The following PAK1 variants were observed in gnomAD, a reference collection of about 807,000 sequenced individuals.
PAK1 encodes p21 (RAC1) activated kinase 1.
A neutral mutation model predicts 67.4 loss-of-function variants in PAK1; 29 were observed. The observed-to-expected ratio is 0.43, with a 90% CI of 0.32 to 0.59. PAK1 has a LOEUF of 0.59. Ranked by LOEUF, PAK1 falls within the 20% of genes least tolerant of loss-of-function variation. The pLI is 0.07. For missense variants in PAK1, 337 were observed against 670.7 expected (o/e 0.50, Z 5.50); for synonymous variants, 223 against 237.4 (o/e 0.94, Z 0.56).
At chr11:77,357,450 C>T (rs1946188337) in intron 6 of PAK1, among the ~76,000 whole-genome samples, 1 of 152,170 alleles carries the variant, frequency 6.6e-6, no homozygotes, top group Admixed American at 6.6e-5. Context: ...TCCCAGGCAC[C>T]TAAACCTGTA....
intron 6 of PAK1, among the ~76,000 whole-genome samples, chr11:77,357,437 A>T (rs1213691199): frequency 6.6e-6 from 1 of 152,186 alleles, no homozygotes; most frequent in East Asian, 1.9e-4. Flanking sequence ...TAGACAAACT[A>T]TATCCCAGGC....
At chr11:77,355,585 T>A in intron 7 of PAK1, 83 bp downstream of exon 7, 1 of 1,170,302 alleles carries the variant, frequency 8.5e-7, no homozygotes, top group Non-Finnish European at 1.2e-6. Context: ...GCCAGCTGCA[T>A]GGACCAAGCC....
At position 77,322,172 on chromosome 11, in the gene PAK1, A is replaced by T. The variant is rs1591601750; in HGVS notation, c.*1102T>A. ...TAGTGGGAGAACCAAAACCACAAAA[A>T]TAGCAGGAGGTAGCAAACATCCCCA... is the stretch of plus-strand genomic sequence containing the variant. On this transcript the variant is annotated 3_prime_UTR_variant, in exon 15 of 15. Coordinates refer to ENST00000356341, the MANE Select transcript of PAK1 (RefSeq NM_002576.5). The T allele has an allele frequency of 9.6e-6, 2 of 208,994 alleles. No individual in the cohort carries two copies. Among genetic ancestry groups the T allele is most frequent in the East Asian group, 1.4e-4 (2 of 14,022 alleles). 12.9% of individuals were successfully genotyped at this position (208,994 alleles called of 1,614,324 possible).
chr11:77,500,719 C>T, the PAK1 span, among the ~76,000 whole-genome samples: 3 of 152,126 alleles, frequency 2.0e-5, no homozygotes, highest in Admixed American at 6.5e-5. Flanking sequence ...TGATGCATGC[C>T]TGTGGTCCCA....
In PAK1 at chr11:77,374,365, T is replaced by A; in HGVS notation, c.440A>T (p.Asp147Val). 1 of 1,595,060 alleles carries A rather than the reference T, an allele frequency of 6.3e-7. No individual in the cohort carries two copies. Among genetic ancestry groups the A allele is most frequent in the Non-Finnish European group, 8.6e-7 (1 of 1,162,930 alleles). Residue 147 changes from aspartate (D) to valine (V), a missense_variant and splice_region_variant, in exon 5 of 15, where the codon GAT becomes GTT. Around this residue, in one of 8 missense-constraint regions of PAK1, gnomAD observed 150 missense variants for 179.0 expected, o/e 0.84. Coordinates refer to ENST00000356341, the MANE Select transcript of PAK1 (RefSeq NM_002576.5). ...SNSQKYMSFT[D>V]KSAEDYNSSN... ...AGAATTGTAATCCTCAGCTGACTTATCTGCACAGGAAGAAAAACAAGGGAC... is the reference window on the plus strand; with the variant it reads ...AGAATTGTAATCCTCAGCTGACTTAACTGCACAGGAAGAAAAACAAGGGAC...
intron 2 of PAK1, among the ~76,000 whole-genome samples, chr11:77,381,162 TGTGTGTGTGTGTGTAG>T (rs1441292216): frequency 2.9e-5 from 4 of 139,334 alleles, no homozygotes; most frequent in Non-Finnish European, 4.7e-5. Context: ...TGTGTGTGTG[TGTGTGTGTGTGTGTAG>T]AGAGAGAGAG....
intron 1 of PAK1, among the ~76,000 whole-genome samples, chr11:77,454,601 C>T (rs935563147): frequency 6.6e-6 from 1 of 152,140 alleles, no homozygotes; most frequent in South Asian, 2.1e-4. Flanking sequence ...TCAAAATCAT[C>T]TGGCGGGCTT....
At position 77,421,080 on chromosome 11, in the gene PAK1, G is replaced by A. The variant is rs532440588; in HGVS notation, c.-21-28539C>T. 4.6e-5 allele frequency among the ~76,000 whole-genome samples: 7 copies of A among 152,230 alleles called. 1 individual carries two copies. The highest frequency in any genetic ancestry group is 1.9e-4 in the East Asian group (1 of 5,180). ...TTCCTGTGGCTTCCCCAATCTCAAT[G>A]TAAAAGCCAAAGTCCTTAGAAAAAC... is the stretch of plus-strand genomic sequence containing the variant. On this transcript the variant is annotated intron_variant, in intron 1 of 14. Coordinates refer to ENST00000356341, the MANE Select transcript of PAK1 (RefSeq NM_002576.5).
intron 4 of PAK1, among the ~76,000 whole-genome samples, chr11:77,376,865 C>T (rs979626641): frequency 1.3e-5 from 2 of 152,106 alleles, no homozygotes; most frequent in African/African-American, 4.8e-5. Flanking sequence ...ACATTTCCAT[C>T]ATGTATCAGC....
At chr11:77,477,058 T>G (rs1343978192), upstream of PAK1, 1 of 152,194 alleles carries the variant, frequency 6.6e-6, no homozygotes, top group African/African-American at 2.4e-5. Context: ...TGTTACAGCA[T>G]CCATAAGAAA....
chr11:77,508,721 G>T, the PAK1 span, among the ~76,000 whole-genome samples: 5 of 147,538 alleles, frequency 3.4e-5, no homozygotes, highest in Admixed American at 3.4e-4. Flanking sequence ...GTGCAGTGGC[G>T]CGATCTTGGC....
intron 1 of PAK1, among the ~76,000 whole-genome samples, chr11:77,420,924 C>T (rs1268423658): frequency 6.6e-6 from 1 of 152,186 alleles, no homozygotes; most frequent in Non-Finnish European, 1.5e-5. Context: ...CCCAAAATGT[C>T]AATAGCGCCA....
At chr11:77,477,166 G>C (rs1958068711), upstream of PAK1, 1 of 152,210 alleles carries the variant, frequency 6.6e-6, no homozygotes, top group African/African-American at 2.4e-5. Flanking sequence ...TGAAATCAGA[G>C]ATGGGCTAGA....
chr11:77,341,224 T>C (rs556232068), intron 10 of PAK1, among the ~76,000 whole-genome samples: 17 of 152,178 alleles, frequency 1.1e-4, no homozygotes, highest in Non-Finnish European at 1.5e-4. Flanking sequence ...AGACCAAGTA[T>C]TGGGTCTTGT....
chr11:77,397,770 A>C (rs959709137), intron 1 of PAK1, among the ~76,000 whole-genome samples: 6 of 152,250 alleles, frequency 3.9e-5, no homozygotes, highest in African/African-American at 1.4e-4. Context: ...TAAGATGCAC[A>C]TAACATCAAA....
chr11:77,381,160 TGTGTGTGTGTGTGTGTAG>T (rs1949765656), intron 2 of PAK1, among the ~76,000 whole-genome samples: 2 of 139,288 alleles, frequency 1.4e-5, no homozygotes, highest in South Asian at 2.1e-4. Context: ...TGTGTGTGTG[TGTGTGTGTGTGTGTGTAG>T]AGAGAGAGAG....
At chr11:77,484,613 A>G in the PAK1 span, among the ~76,000 whole-genome samples, 1 of 152,216 alleles carries the variant, frequency 6.6e-6, no homozygotes, top group Non-Finnish European at 1.5e-5. Context: ...TGCTTTGCCT[A>G]TTGCTGCCAG....
chr11:77,415,534 G>A (rs1342908460), intron 1 of PAK1, among the ~76,000 whole-genome samples: 1 of 151,864 alleles, frequency 6.6e-6, no homozygotes, highest in Non-Finnish European at 1.5e-5. Context: ...CTGAATACTA[G>A]GCAACTGTAA....
At chr11:77,470,008 C>T (rs751172010) in intron 1 of PAK1, among the ~76,000 whole-genome samples, 19 of 152,078 alleles carry the variant, frequency 1.2e-4, no homozygotes, top group Non-Finnish European at 2.4e-4. Context: ...CAAAAATAAA[C>T]AATAAACTGT....
Sources: allele counts gnomAD v4.1 joint callset (sites outside exome capture counted in the v4.1 genomes callset), GRCh38; gene constraint gnomAD v4.1.1; regional missense constraint gnomAD v4.1.1; transcripts MANE v1.5; gene names NCBI Gene and HGNC (gene_info 2026-07-23, HGNC 2026-07-21).